Variants in ZNF737 observed in about 807,000 individuals in gnomAD.
ZNF737 encodes the protein zinc finger protein 102 (Y3).
A neutral mutation model predicts 11.7 loss-of-function variants in ZNF737; 13 were observed. The observed-to-expected ratio is 1.11, with a 90% CI of 0.73 to 1.77. The LOEUF (loss-of-function observed/expected upper bound fraction) is 1.77. Among genes scored for constraint, ZNF737 ranks in the 40% most tolerant of loss-of-function variants. The probability of loss-of-function intolerance (pLI) is 0.00; values close to 1 mark genes in which losing one functional copy is unlikely to be tolerated. For missense variants in ZNF737, 636 were observed against 638.0 expected, an observed-to-expected ratio of 1.00 and a Z score of 0.03; for synonymous variants, 217 against 216.2, an observed-to-expected ratio of 1.00 and a Z score of -0.03.
At chr19:20,531,286 C>T (rs1334400497), downstream of ZNF737, among the ~76,000 whole-genome samples, 10 of 143,600 alleles carry the variant, frequency 7.0e-5, no homozygotes, top group Non-Finnish European at 1.4e-4. Flanking sequence ...GGAGGGGAGC[C>T]GGAGTCACTC....
Position 20,544,014 on chromosome 19 carries a change from G to A in ZNF737, c.*578C>T. The A allele has an allele frequency of 1.6e-6, 1 of 636,830 alleles. No individual in the cohort carries two copies. The allele number at this position is 636,830 out of a possible 1,614,324, so 39.4% of individuals were successfully genotyped here. A position where few individuals can be genotyped will look rare whatever the true frequency, so the allele number is the denominator to read the frequency against. On this transcript the variant is annotated 3_prime_UTR_variant, in exon 4 of 4. Transcript: ENST00000427401. ...ATGTTGGAGGACACCTGTAATCCCA[G>A]CTACTCAGGAAGCTGAGGTAGGAGA...
intron 3 of ZNF737, among the ~76,000 whole-genome samples, chr19:20,546,969 A>G (rs1167812996): frequency 6.6e-6 from 1 of 152,226 alleles, no homozygotes; most frequent in Non-Finnish European, 1.5e-5. Flanking sequence ...ATTAAAAGCA[A>G]AAGTCAAACT....
intron 1 of ZNF737, 75 bp from the exon 2 acceptor site, chr19:20,553,910 G>A: frequency 3.9e-6 from 6 of 1,547,946 alleles, no homozygotes; most frequent in Non-Finnish European, 5.3e-6. Flanking sequence ...AAGTTCAAAT[G>A]AGAGAGTAAA....
At chr19:20,532,538 ACAGG>A (rs1186618418), downstream of ZNF737, among the ~76,000 whole-genome samples, 3 of 150,208 alleles carry the variant, frequency 2.0e-5, no homozygotes, top group South Asian at 6.5e-4. Context: ...TTCTTTACCT[ACAGG>A]TTAGGTAAAT....
At chr19:20,537,742 C>T (rs1175923093), downstream of ZNF737, among the ~76,000 whole-genome samples, 1 of 151,542 alleles carries the variant, frequency 6.6e-6, no homozygotes, top group African/African-American at 2.4e-5. Flanking sequence ...GTCTCGAACT[C>T]CTGACCTCTT....
intron 1 of ZNF737, among the ~76,000 whole-genome samples, chr19:20,555,533 T>C (rs1055673400): frequency 6.6e-6 from 1 of 152,212 alleles, no homozygotes; most frequent in African/African-American, 2.4e-5. Context: ...AACACACTAA[T>C]GGAGCCTCAA....
At chr19:20,560,136 G>A (rs1186445260) in intron 1 of ZNF737, among the ~76,000 whole-genome samples, 2 of 138,666 alleles carry the variant, frequency 1.4e-5, no homozygotes, top group African/African-American at 5.4e-5. Context: ...ACTGCAGTCC[G>A]CAGTCCGGCC....
chr19:20,554,862 CTT>C (rs35282648), intron 1 of ZNF737, among the ~76,000 whole-genome samples: 66 of 136,940 alleles, frequency 4.8e-4, no homozygotes, highest in African/African-American at 6.8e-4. Context: ...ATAAGCATTT[CTT>C]TTTTTTTTTT....
intron 1 of ZNF737, among the ~76,000 whole-genome samples, chr19:20,564,970 T>G (rs1219087159): frequency 5.0e-4 from 73 of 145,536 alleles, no homozygotes; most frequent in African/African-American, 1.8e-3. Flanking sequence ...GGAGTCTCAC[T>G]GTCGCGCAGG....
At chr19:20,556,731 TTAAA>T (rs1198126092) in intron 1 of ZNF737, among the ~76,000 whole-genome samples, 7 of 152,202 alleles carry the variant, frequency 4.6e-5, no homozygotes, top group Non-Finnish European at 1.0e-4. Context: ...TGATGGCTCT[TTAAA>T]GTTTACAGAG....
At chr19:20,536,636 C>T (rs142553803), downstream of ZNF737, among the ~76,000 whole-genome samples, 391 of 152,128 alleles carry the variant, frequency 2.6e-3, 13 homozygotes, top group East Asian at 0.06. Flanking sequence ...GGTGAAACAC[C>T]GTCTCTACTA....
At chr19:20,557,319 A>C (rs1555761439) in intron 1 of ZNF737, among the ~76,000 whole-genome samples, 1 of 152,134 alleles carries the variant, frequency 6.6e-6, no homozygotes, top group Non-Finnish European at 1.5e-5. Flanking sequence ...GATCTCTTCT[A>C]ATCAGTTATC....
At chr19:20,554,661 A>C (rs1968817793) in intron 1 of ZNF737, among the ~76,000 whole-genome samples, 1 of 145,390 alleles carries the variant, frequency 6.9e-6, no homozygotes, top group African/African-American at 2.8e-5. Context: ...CCTCTTTTAA[A>C]AAAGTAAATA....
chr19:20,539,194 G>T lies in ZNF737; in HGVS notation c.*5398C>A. The T allele has an allele frequency of 1.5e-6, 1 of 674,438 alleles. No homozygotes were observed. The highest frequency in any genetic ancestry group is 1.8e-6 in the Non-Finnish European group (1 of 546,340). The allele number at this position is 674,438 out of a possible 1,614,324, so 41.8% of individuals were successfully genotyped here. ...TATCCCAGCTACTCAGGAGGCTGAGGCGGAAGAATCACTTGAACCAGGGAG... is the reference window on the plus strand; with the variant it reads ...TATCCCAGCTACTCAGGAGGCTGAGTCGGAAGAATCACTTGAACCAGGGAG... On this transcript the variant is annotated 3_prime_UTR_variant, in exon 4 of 4. Transcript: ENST00000427401.
In ZNF737 at chr19:20,545,944, G is replaced by C. The variant is rs782606683; in HGVS notation, c.259C>G (p.Pro87Ala). Residue 87 changes from proline (P) to alanine (A), a missense_variant, in exon 4 of 4, where the codon CCA becomes GCA. Pro to Ala is a conservative substitution (Grantham distance 27). Coordinates refer to ENST00000427401, the MANE Select transcript of ZNF737 (RefSeq NM_001159293.2). ...AAAGAATCTTTTATGCTCTGCTCTG[G>C]CCAAAGATCTCGGGCAAAATGAGAA... Reference protein sequence around the residue: ...TCSHFARDLWPEQSIKDSFQK... With the variant: ...TCSHFARDLWAEQSIKDSFQK... 1.3e-6 allele frequency: 2 copies of C among 1,559,826 alleles called. No homozygotes were observed.
chr19:20,540,821 A>G lies in ZNF737; in HGVS notation c.*3771T>C. 1.1e-6 allele frequency: 1 copy of G among 919,332 alleles called. No individual in the cohort carries two copies. Among genetic ancestry groups the G allele is most frequent in the Non-Finnish European group, 1.3e-6 (1 of 769,996 alleles). The allele number at this position is 919,332 out of a possible 1,614,324, so 56.9% of individuals were successfully genotyped here. ...CTACATAAACAAAGATATCAACTGGATATAATAATTAACTACTTTTTAGTT... is the reference window on the plus strand; with the variant it reads ...CTACATAAACAAAGATATCAACTGGGTATAATAATTAACTACTTTTTAGTT... On this transcript the variant is annotated 3_prime_UTR_variant, in exon 4 of 4. Coordinates refer to ENST00000427401, the MANE Select transcript of ZNF737 (RefSeq NM_001159293.2).
chr19:20,544,208 T>C lies in ZNF737; in HGVS notation c.*384A>G, dbSNP rs1968333844. 3 of 1,019,294 alleles carry C rather than the reference T, an allele frequency of 2.9e-6. No homozygotes were observed. Among genetic ancestry groups the C allele is most frequent in the Non-Finnish European group, 3.5e-6 (3 of 851,260 alleles). The allele number at this position is 1,019,294 out of a possible 1,614,324, so 63.1% of individuals were successfully genotyped here. ...TAGGATTTTTGTCCAGCATGAATTA[T>C]GTGTAAGAAGGGTTCAGAACTTCCT... On this transcript the variant is annotated 3_prime_UTR_variant, in exon 4 of 4. Coordinates refer to ENST00000427401, the MANE Select transcript of ZNF737 (RefSeq NM_001159293.2).
chr19:20,534,340 G>T (rs1967901034), downstream of ZNF737, among the ~76,000 whole-genome samples: 2 of 149,914 alleles, frequency 1.3e-5, no homozygotes. Flanking sequence ...TACTGGGGAG[G>T]CTGAAGCAGC....
At chr19:20,532,037 C>G (rs1490212231), downstream of ZNF737, among the ~76,000 whole-genome samples, 3 of 150,044 alleles carry the variant, frequency 2.0e-5, no homozygotes, top group African/African-American at 7.4e-5. Context: ...TAAATATCAA[C>G]AAAGCTCTAT....
Sources: allele counts gnomAD v4.1 joint callset (sites outside exome capture counted in the v4.1 genomes callset), GRCh38; gene constraint gnomAD v4.1.1; transcripts MANE v1.5; gene names NCBI Gene and HGNC (gene_info 2026-07-23, HGNC 2026-07-21).